FAM186B: variants seen among roughly 807,000 people sequenced by gnomAD.
The protein encoded by FAM186B is family with sequence similarity 186 member B.
FAM186B carries 68 observed loss-of-function variants against 83.4 expected under a neutral mutation model. The ratio of observed to expected loss-of-function variants is 0.81; its 90% CI spans 0.67 to 1.00. The LOEUF (loss-of-function observed/expected upper bound fraction) is 1.00, where lower values mean the gene tolerates loss of function less well. Ranked by LOEUF, FAM186B falls within the 50% of genes least tolerant of loss-of-function variation. FAM186B has a pLI of 0.00. For missense variants in FAM186B, 983 were observed against 1,099.2 expected, an observed-to-expected ratio of 0.89 and a Z score of 1.49; for synonymous variants, 389 against 422.0, an observed-to-expected ratio of 0.92 and a Z score of 0.96.
chr12:49,621,044 AAAAAG>A, the FAM186B span, among the ~76,000 whole-genome samples: 11 of 152,226 alleles, frequency 7.2e-5, no homozygotes, highest in African/African-American at 1.4e-4. Context: ...AAAAAAATAA[AAAAAG>A]AAAAGAAAAG....
chr12:49,615,794 G>GA, the FAM186B span, among the ~76,000 whole-genome samples: 97 of 114,468 alleles, frequency 8.5e-4, no homozygotes, highest in African/African-American at 1.4e-3. Flanking sequence ...GTCTCAAAAA[G>GA]AAAAAAAAAA....
chr12:49,600,378 A>T lies in FAM186B; in HGVS notation c.1262T>A (p.Val421Glu). Residue 421 changes from valine to glutamate, a missense_variant, in exon 4 of 7, where the codon GTA (valine) becomes GAA (glutamate). By Grantham distance (121) the Val-to-Glu change is moderately radical (BLOSUM62 -2). Transcript: ENST00000257894. The surrounding 1 kb of genome is among the most constrained non-coding windows in gnomAD (Gnocchi z 4.3). ...ESLEPVLLPL[V>E]DRRFPKKWER... is the part of the protein sequence containing the mutation. Reference sequence around the variant, plus strand: ...CCATTTCTTAGGAAACCTGCGATCTACTAAGGGTAAAAGCACAGGCTCAAG... The same window carrying T: ...CCATTTCTTAGGAAACCTGCGATCTTCTAAGGGTAAAAGCACAGGCTCAAG... The T allele has an allele frequency of 2.5e-6, 4 of 1,614,078 alleles. No homozygotes were observed. The highest frequency in any genetic ancestry group is 3.4e-6 in the Non-Finnish European group (4 of 1,180,026).
intron 5 of FAM186B, among the ~76,000 whole-genome samples, chr12:49,589,761 TC>T (rs1939539100): frequency 1.3e-5 from 2 of 152,018 alleles, no homozygotes; most frequent in South Asian, 4.2e-4. Context: ...GTCAGGCAGA[TC>T]ATGAGGTCAA....
chr12:49,586,358 A>C (rs11169080), downstream of FAM186B, among the ~76,000 whole-genome samples: 38,756 of 152,034 alleles, frequency 0.25, 7,804 homozygotes, highest in African/African-American at 0.57. Flanking sequence ...TGCTGTTCAA[A>C]ATGAATCCCG....
At chr12:49,608,125 CAA>C (rs1440263324), upstream of FAM186B, among the ~76,000 whole-genome samples, 1 of 151,478 alleles carries the variant, frequency 6.6e-6, no homozygotes, top group East Asian at 1.9e-4. Context: ...GAGGCTGAAA[CAA>C]GAGGATTGCT....
chr12:49,606,095 T>A (rs548850523), upstream of FAM186B, among the ~76,000 whole-genome samples: 37 of 152,252 alleles, frequency 2.4e-4, no homozygotes, highest in South Asian at 5.2e-3. Flanking sequence ...CTAAATGTTA[T>A]GCTCCCAAAC....
At position 49,600,021 on chromosome 12, in the gene FAM186B, T is replaced by A; in HGVS notation, c.1619A>T (p.Glu540Val). The change falls in exon 4 of 7, where the codon GAG (glutamate) becomes GTG (valine). Residue 540 changes from glutamate to valine, a missense_variant. By Grantham distance (121) the Glu-to-Val change is moderately radical. Coordinates refer to ENST00000257894, the MANE Select transcript of FAM186B (RefSeq NM_032130.3). The surrounding 1 kb of genome is among the most constrained non-coding windows in gnomAD (Gnocchi z 4.3). ...TGGCTCTCTCCGTGGGCTCTCCTGCTCCTTTTCTAGCTGGACCCATCTCCG... is the reference window on the plus strand; with the variant it reads ...TGGCTCTCTCCGTGGGCTCTCCTGCACCTTTTCTAGCTGGACCCATCTCCG... ...QQRRWVQLEK[E>V]QESPRREPEQ... is the part of the protein sequence containing the mutation. 1.2e-6 allele frequency: 2 copies of A among 1,609,468 alleles called. No homozygotes were observed. Among genetic ancestry groups the A allele is most frequent in the Non-Finnish European group, 1.7e-6 (2 of 1,177,858 alleles).
At chr12:49,604,650 T>A in intron 1 of FAM186B, 112 bp from the exon 2 acceptor site, 1 of 762,584 alleles carries the variant, frequency 1.3e-6, no homozygotes. Context: ...CTCAGTTTTC[T>A]TATATTTAAA....
downstream of FAM186B, chr12:49,584,539 G>T (rs774808581): frequency 4.3e-6 from 3 of 702,216 alleles, no homozygotes; most frequent in African/African-American, 3.5e-5. Context: ...GGAGTGACTC[G>T]CTTGACTTTT....
rs757273134 is a variant in FAM186B at position 49,600,849 on chromosome 12, AG to A, written c.790del (p.Leu264CysfsTer31). 3.7e-6 allele frequency: 6 copies of A among 1,612,548 alleles called. No homozygotes were observed. Among genetic ancestry groups the A allele is most frequent in the Non-Finnish European group, 5.1e-6 (6 of 1,179,548 alleles). ...GAGCTCTTTGGTCGCCTGCATTTGCAGGTGCCTGTATTTGGTCTCCAGGCTC... is the reference window on the plus strand; with the variant it reads ...GAGCTCTTTGGTCGCCTGCATTTGCAGTGCCTGTATTTGGTCTCCAGGCTC... ...NRSLETKYRH[L>X]QMQATKELSS... On this transcript the variant is annotated frameshift_variant, in exon 4 of 7. Transcript: ENST00000257894. LOFTEE classifies it high-confidence loss of function. The surrounding 1 kb of genome is among the most constrained non-coding windows in gnomAD (Gnocchi z 4.3).
At chr12:49,604,259 C>T (rs1011549950) in intron 2 of FAM186B, 54 bp downstream of exon 2, 10 of 1,448,360 alleles carry the variant, frequency 6.9e-6, no homozygotes, top group Admixed American at 6.8e-5. Flanking sequence ...TCCCTGTGCT[C>T]GCCACCCACA....
the FAM186B span, among the ~76,000 whole-genome samples, chr12:49,612,560 A>G: frequency 6.6e-6 from 1 of 151,310 alleles, no homozygotes; most frequent in Non-Finnish European, 1.5e-5. Flanking sequence ...TTCATTAGCT[A>G]TTGTTAGTGT....
In FAM186B at chr12:49,603,348, C is replaced by G. The variant is rs1365221822; in HGVS notation, c.342G>C (p.Glu114Asp). Residue 114 changes from glutamate to aspartate, a missense_variant, in exon 3 of 7, where the codon GAG (glutamate) becomes GAC (aspartate). Coordinates refer to ENST00000257894, the MANE Select transcript of FAM186B (RefSeq NM_032130.3). ...LGDWGDTLTY[E>D]IGPRKSEEEA... ...CCTCTTCACTCTTCCTGGGCCCAAT[C>G]TCATAGGTCAGAGTGTCACCTGGAG... 1.2e-6 allele frequency: 2 copies of G among 1,614,076 alleles called. No individual in the cohort carries two copies. The highest frequency in any genetic ancestry group is 2.7e-5 in the African/African-American group (2 of 74,920).
chr12:49,588,336 A>T, intron 6 of FAM186B, 118 bp downstream of exon 6: 1 of 1,267,368 alleles, frequency 7.9e-7, no homozygotes, highest in Non-Finnish European at 1.1e-6. Flanking sequence ...TGCAACTCGT[A>T]GGGTGATATT....
At chr12:49,601,621 G>GTTT (rs78749792) in intron 3 of FAM186B, among the ~76,000 whole-genome samples, 24 of 145,912 alleles carry the variant, frequency 1.6e-4, no homozygotes, top group African/African-American at 6.0e-4. Context: ...CATGTTTTAT[G>GTTT]TTTTTTTTTT....
downstream of FAM186B, chr12:49,584,502 G>C (rs1334970464): frequency 7.1e-6 from 5 of 702,344 alleles, no homozygotes; most frequent in South Asian, 7.4e-5. Flanking sequence ...GGGCTGTCTT[G>C]ATCCTTCTGG....
intron 3 of FAM186B, among the ~76,000 whole-genome samples, chr12:49,602,273 T>C (rs1207639775): frequency 6.6e-6 from 1 of 152,236 alleles, no homozygotes; most frequent in South Asian, 2.1e-4. Context: ...ATACAATAAG[T>C]GTATTTGAAG....
At chr12:49,611,705 A>G in the FAM186B span, among the ~76,000 whole-genome samples, 1 of 115,570 alleles carries the variant, frequency 8.7e-6, no homozygotes, top group Non-Finnish European at 1.8e-5. Context: ...CTAAAAATAC[A>G]AGAATTAGCT....
At chr12:49,608,522 T>A (rs1940056530), upstream of FAM186B, among the ~76,000 whole-genome samples, 1 of 151,734 alleles carries the variant, frequency 6.6e-6, no homozygotes, top group Non-Finnish European at 1.5e-5. Flanking sequence ...AAACCTTTTT[T>A]TTCCCCAAGA....
Sources: gnomAD v4.1 joint callset for allele counts (sites outside exome capture counted in the v4.1 genomes callset) on GRCh38, gnomAD v4.1.1 for gene constraint, Gnocchi (gnomAD v3.1) non-coding constraint, MANE v1.5 for transcripts, NCBI Gene and HGNC (gene_info 2026-07-23, HGNC 2026-07-21) for gene names.